The following COL4A5 variants were observed in gnomAD, a reference collection of about 807,000 sequenced individuals.
COL4A5 encodes the protein collagen type IV alpha 5 chain, also known as collagen alpha-5(IV) chain.
A neutral mutation model predicts 130.2 loss-of-function variants in COL4A5; 26 were observed. The ratio of observed to expected loss-of-function variants is 0.20; its 90% CI spans 0.15 to 0.28. The LOEUF is 0.28. Among genes scored for constraint, COL4A5 ranks in the 10% least tolerant of loss-of-function variants. The probability of loss-of-function intolerance (pLI) is 1.00; values close to 1 mark genes in which losing one functional copy is unlikely to be tolerated. For synonymous variants in COL4A5, 496 were observed against 439.6 expected, an observed-to-expected ratio of 1.13 and a Z score of -1.60; for missense variants, 1,131 against 1,344.3, an observed-to-expected ratio of 0.84 and a Z score of 2.48.
At chrX:108,652,101 C>T (rs1416958908) in intron 36 of COL4A5, among the ~76,000 whole-genome samples, 1 of 111,222 alleles carries the variant, frequency 9.0e-6, no homozygotes, top group African/African-American at 3.3e-5. Flanking sequence ...TTACCACAAC[C>T]CCCCGACACA....
intron 3 of COL4A5, among the ~76,000 whole-genome samples, chrX:108,559,520 A>G (rs1028449652): frequency 2.7e-5 from 3 of 111,912 alleles, no homozygotes; most frequent in Non-Finnish European, 5.6e-5. Context: ...ACTTACTGCA[A>G]TATTATAAGC....
intron 1 of COL4A5, among the ~76,000 whole-genome samples, chrX:108,473,633 A>ATATATATATATATATATATATAT: frequency 2.9e-5 from 1 of 34,567 alleles, no homozygotes; most frequent in African/African-American, 1.1e-4. Context: ...ATATATATAT[A>ATATATATATATATATATATATAT]TTTTTTTTTT....
chrX:108,608,594 T>C (rs2066775161), intron 29 of COL4A5, among the ~76,000 whole-genome samples: 1 of 111,437 alleles, frequency 9.0e-6, no homozygotes, highest in African/African-American at 3.3e-5. Flanking sequence ...AACAATATAC[T>C]TCTCTCTAAA....
chrX:108,689,475 T>C (rs985817763), intron 49 of COL4A5: 36 of 750,941 alleles, frequency 4.8e-5, no homozygotes, highest in Non-Finnish European at 5.3e-5. Flanking sequence ...CCATGTATTT[T>C]CTCTAATAAG....
In COL4A5 at chrX:108,584,542, TA is replaced by T. The variant is rs2066303630; in HGVS notation, c.1032+18del. 1.7e-6 allele frequency: 2 copies of T among 1,175,527 alleles called. No homozygotes were observed. The highest frequency in any genetic ancestry group is 3.6e-5 in the African/African-American group (2 of 55,709). On this transcript the variant is annotated intron_variant, in intron 18 of 52. Transcript: ENST00000328300. Reference sequence around the variant, plus strand: ...CCTGGACTTGTAAGTTTTTTTTTTTTAGTCTTCGTTTATCAAATTTATTAAT... The same window carrying T: ...CCTGGACTTGTAAGTTTTTTTTTTTTGTCTTCGTTTATCAAATTTATTAAT...
intron 1 of COL4A5, among the ~76,000 whole-genome samples, chrX:108,457,814 A>T (rs1313974461): frequency 8.9e-6 from 1 of 112,044 alleles, no homozygotes; most frequent in Non-Finnish European, 1.9e-5. Flanking sequence ...AATGTCTTAT[A>T]GATTGACTCA....
At position 108,595,387 on chromosome X, in the gene COL4A5, C is replaced by T. The variant is rs1225922722; in HGVS notation, c.1424-122C>T. On this transcript the variant is annotated intron_variant, in intron 21 of 52. Transcript: ENST00000328300. ...GTCATAAATTGATTCAGGATATAGG[C>T]TTCTCCAATCACACCATTAAGTGGA... 8.6e-6 allele frequency: 5 copies of T among 583,511 alleles called. No individual in the cohort carries two copies. The African/African-American group carries it at 8.9e-5, about 10-fold the overall frequency. The allele number at this position is 583,511 out of a possible 1,213,427, so 48.1% of individuals were successfully genotyped here.
At chrX:108,628,617 A>G (rs1374339714) in intron 36 of COL4A5, among the ~76,000 whole-genome samples, 1 of 111,730 alleles carries the variant, frequency 9.0e-6, no homozygotes. Context: ...TTTCATACTG[A>G]TTTGTAAAAG....
intron 1 of COL4A5, among the ~76,000 whole-genome samples, chrX:108,530,426 A>G (rs1047354744): frequency 9.2e-6 from 1 of 108,442 alleles, no homozygotes; most frequent in Admixed American, 9.9e-5. Context: ...GCAACCTACA[A>G]AATGGGAGAA....
chrX:108,591,470 A>G, intron 20 of COL4A5, 91 bp from the exon 21 acceptor site: 12 of 759,848 alleles, frequency 1.6e-5, no homozygotes, highest in Non-Finnish European at 2.4e-5. Context: ...TCTTCAGAGA[A>G]TAGGTCTTTT....
intron 49 of COL4A5, chrX:108,689,835 T>C: frequency 2.7e-6 from 2 of 753,800 alleles, no homozygotes; most frequent in Non-Finnish European, 3.1e-6. Flanking sequence ...ACCATTAGTC[T>C]ATTAAAGTCT....
At position 108,613,569 on chromosome X, in the gene COL4A5, C is replaced by A. The variant is rs113225553; in HGVS notation, c.2396-1342C>A. On this transcript the variant is annotated intron_variant, in intron 29 of 52. Coordinates refer to ENST00000328300, the MANE Select transcript of COL4A5 (RefSeq NM_033380.3). ...GAATATATAATGAACTCTCAAAACT[C>A]AATAAGAAAACAAACAACCAACTTT... Among the ~76,000 whole-genome samples the A allele has an allele frequency of 7.3e-3, 817 of 111,719 alleles. 4 individuals are homozygous for A. Among genetic ancestry groups the A allele is most frequent in the East Asian group, 0.037 (131 of 3,562 alleles).
rs566489958 is a variant in COL4A5, at chrX:108,675,014, C to T, written c.3808+261C>T. Among the ~76,000 whole-genome samples, 20 of 110,700 alleles carry T rather than the reference C, an allele frequency of 1.8e-4. No individual in the cohort carries two copies. The South Asian group carries it at 7.2e-3, about 40-fold the overall frequency. On this transcript the variant is annotated intron_variant, in intron 43 of 52. Coordinates refer to ENST00000328300, the MANE Select transcript of COL4A5 (RefSeq NM_033380.3). ...ACATGTTGAATTTTAAACGGAAATACACTTATTTTTACCTTCAAGACTGCA... is the reference window on the plus strand; with the variant it reads ...ACATGTTGAATTTTAAACGGAAATATACTTATTTTTACCTTCAAGACTGCA...
chrX:108,507,248 A>AAC (rs1467936306), intron 1 of COL4A5, among the ~76,000 whole-genome samples: 1 of 91,656 alleles, frequency 1.1e-5, no homozygotes, highest in African/African-American at 4.7e-5. Context: ...CAACAACAAC[A>AAC]AAAAAAAAAA....
intron 2 of COL4A5, among the ~76,000 whole-genome samples, chrX:108,545,782 C>T (rs1015845525): frequency 2.7e-5 from 3 of 111,200 alleles, no homozygotes; most frequent in African/African-American, 9.8e-5. Flanking sequence ...CTTTATGAAT[C>T]TGGGTGCTCC....
chrX:108,583,276 C>T (rs1346685897), intron 17 of COL4A5, among the ~76,000 whole-genome samples: 1 of 111,894 alleles, frequency 8.9e-6, no homozygotes, highest in African/African-American at 3.2e-5. Context: ...GTGAGGTCCT[C>T]TTACTAAAAA....
rs28497884 is a variant in COL4A5, at chrX:108,601,550, A to G, written c.2041+65A>G. On this transcript the variant is annotated intron_variant, in intron 26 of 52. Transcript: ENST00000328300. ...TGGCTTTTTTTTTTTTTTTTTTGAC[A>G]GAGTTTCGCTCTGTCACCCATGCTG... 0.25 allele frequency: 182,362 copies of G among 716,147 alleles called. 20,400 individuals carry two copies. Among genetic ancestry groups the G allele is most frequent in the East Asian group, 0.64 (18,230 of 28,310 alleles). The allele number at this position is 716,147 out of a possible 1,213,427, so 59.0% of individuals were successfully genotyped here. A position where few individuals can be genotyped will look rare whatever the true frequency, so the allele number is the denominator to read the frequency against.
At chrX:108,674,614 C>A in intron 42 of COL4A5, 131 bp from the exon 43 acceptor site, 2 of 682,095 alleles carry the variant, frequency 2.9e-6, no homozygotes, top group African/African-American at 2.2e-5. Flanking sequence ...GAAATGCTGG[C>A]AAAGAACATT....
At chrX:108,618,366 T>C in intron 30 of COL4A5, among the ~76,000 whole-genome samples, 1 of 111,951 alleles carries the variant, frequency 8.9e-6, no homozygotes, top group South Asian at 3.7e-4. Context: ...CATATGCTAA[T>C]AATGATTGAT....
Sources: gnomAD v4.1 joint callset for allele counts (sites outside exome capture counted in the v4.1 genomes callset) on GRCh38, gnomAD v4.1.1 for gene constraint, MANE v1.5 for transcripts, NCBI Gene and HGNC (gene_info 2026-07-23, HGNC 2026-07-21) for gene names.